The following DLGAP2 variants were observed in gnomAD, a reference collection of about 807,000 sequenced individuals.
DLGAP2 encodes the protein disks large-associated protein 2.
In DLGAP2, 26 loss-of-function variants were observed where a neutral mutation model predicts 100.3. That is an observed-to-expected ratio of 0.26 (90% CI 0.19 to 0.36). The LOEUF (loss-of-function observed/expected upper bound fraction) is 0.36, where lower values mean the gene tolerates loss of function less well. Ranked by LOEUF, DLGAP2 falls within the 10% of genes least tolerant of loss-of-function variation. DLGAP2 has a pLI of 1.00. For missense variants in DLGAP2, 1,858 were observed against 1,453.2 expected (o/e 1.28, Z -4.53); for synonymous variants, 886 against 630.1 (o/e 1.41, Z -6.08).
chr8:1,323,112 C>T (rs916371725), intron 3 of DLGAP2, among the ~76,000 whole-genome samples: 2 of 151,784 alleles, frequency 1.3e-5, no homozygotes, highest in African/African-American at 4.8e-5. Flanking sequence ...TTCATGCAAC[C>T]TCCGCCTCCC....
intron 2 of DLGAP2, among the ~76,000 whole-genome samples, chr8:1,163,284 T>A (rs1563223303): frequency 6.6e-6 from 1 of 152,154 alleles, no homozygotes; most frequent in Non-Finnish European, 1.5e-5. Context: ...GATATTAAAC[T>A]CCCAGACGGG....
chr8:1,146,954 C>T (rs1422782882), intron 2 of DLGAP2, among the ~76,000 whole-genome samples: 1 of 152,212 alleles, frequency 6.6e-6, no homozygotes, highest in Non-Finnish European at 1.5e-5. Flanking sequence ...TTCTCCTCTT[C>T]AGAATTGGCT....
At position 1,464,301 on chromosome 8, in the gene DLGAP2, G is replaced by A. The variant is rs1408174665; in HGVS notation, c.107-37065G>A. Among the ~76,000 whole-genome samples the A allele has an allele frequency of 4.4e-4, 33 of 74,444 alleles. 6 individuals are homozygous for A. The highest frequency in any genetic ancestry group is 7.4e-4 in the African/African-American group (13 of 17,596). 48.8% of individuals were successfully genotyped at this position (74,444 alleles called of 152,430 possible). A position where few individuals can be genotyped will look rare whatever the true frequency, so the allele number is the denominator to read the frequency against. ...TCCAGGACAACGCCCTTCCAGGATG[G>A]CACCCTTCCAGGACAACGCCCTTCC... is the stretch of plus-strand genomic sequence containing the variant. On this transcript the variant is annotated intron_variant, in intron 3 of 14. Transcript: ENST00000637795.
chr8:1,169,546 C>A (rs1797086037), intron 2 of DLGAP2, among the ~76,000 whole-genome samples: 2 of 152,306 alleles, frequency 1.3e-5, no homozygotes, highest in South Asian at 4.1e-4. Context: ...TTTGTATCCT[C>A]TTTAATTTCA....
At chr8:1,176,214 G>T (rs1446850750) in intron 2 of DLGAP2, among the ~76,000 whole-genome samples, 2 of 152,154 alleles carry the variant, frequency 1.3e-5, no homozygotes, top group Non-Finnish European at 2.9e-5. Context: ...GAGACAGTGT[G>T]GGAAATGCTG....
intron 4 of DLGAP2, among the ~76,000 whole-genome samples, chr8:1,540,087 A>AG (rs1489259062): frequency 6.6e-6 from 1 of 152,152 alleles, no homozygotes; most frequent in African/African-American, 2.4e-5. Flanking sequence ...GTGCCGCCAC[A>AG]GGCACCAACT....
rs1049265510 is a variant in DLGAP2 at position 1,688,779 on chromosome 8, C to A, written c.2705-2756C>A. On this transcript the variant is annotated intron_variant, in intron 12 of 14. Coordinates refer to ENST00000637795, the MANE Select transcript of DLGAP2 (RefSeq NM_001346810.2). ...TTGAAGAACACATGGTACAGATTGC[C>A]AGACCTTCATGTTCTAAAAAATGAG... Among the ~76,000 whole-genome samples the A allele has an allele frequency of 2.0e-5, 3 of 152,166 alleles. No homozygotes were observed. In the South Asian group the frequency reaches 6.2e-4, roughly 32 times the overall value.
chr8:1,047,534 A>G (rs780016249), intron 2 of DLGAP2, among the ~76,000 whole-genome samples: 1 of 152,200 alleles, frequency 6.6e-6, no homozygotes, highest in Admixed American at 6.5e-5. Context: ...CTGCCACAGA[A>G]TAGCCTGGAT....
chr8:1,112,878 G>C (rs748658870), intron 2 of DLGAP2, among the ~76,000 whole-genome samples: 1 of 151,596 alleles, frequency 6.6e-6, no homozygotes, highest in Non-Finnish European at 1.5e-5. Flanking sequence ...GTTGCTTTTT[G>C]TACATGGCAT....
intron 1 of DLGAP2, among the ~76,000 whole-genome samples, chr8:882,870 C>T (rs1797839079): frequency 6.6e-6 from 1 of 152,274 alleles, no homozygotes; most frequent in African/African-American, 2.4e-5. Context: ...CGTCACTTCT[C>T]GGCTGCTCAC....
At chr8:1,523,515 G>A (rs978283318) in intron 4 of DLGAP2, among the ~76,000 whole-genome samples, 4 of 152,294 alleles carry the variant, frequency 2.6e-5, no homozygotes, top group South Asian at 4.1e-4. Context: ...GCCTTAGACG[G>A]GGGGGAAGGA....
intron 3 of DLGAP2, among the ~76,000 whole-genome samples, chr8:1,310,645 G>GTT (rs367757053): frequency 6.6e-6 from 1 of 151,366 alleles, no homozygotes; most frequent in Non-Finnish European, 1.5e-5. Context: ...AAAAAGTTGG[G>GTT]TTTTTTTTTG....
chr8:1,691,197 C>T (rs928271064), intron 12 of DLGAP2, among the ~76,000 whole-genome samples: 3 of 152,186 alleles, frequency 2.0e-5, no homozygotes, highest in Non-Finnish European at 4.4e-5. Context: ...CACACGTGTT[C>T]TTGTGTCTTC....
chr8:1,304,654 A>G (rs564316652), intron 3 of DLGAP2, among the ~76,000 whole-genome samples: 2 of 152,248 alleles, frequency 1.3e-5, no homozygotes, highest in Non-Finnish European at 2.9e-5. Context: ...AAAGATAAAT[A>G]CAGTGCGGAA....
chr8:786,780 T>G (rs908654741), intron 1 of DLGAP2, among the ~76,000 whole-genome samples: 2 of 151,658 alleles, frequency 1.3e-5, no homozygotes, highest in African/African-American at 2.4e-5. Flanking sequence ...ATGGTATGAG[T>G]TGGAAGCATC....
rs1182505125 is a variant in DLGAP2 at position 1,427,578 on chromosome 8, CAT to C, written c.107-73787_107-73786del. 1.3e-4 allele frequency among the ~76,000 whole-genome samples: 20 copies of C among 152,322 alleles called. No homozygotes were observed. In the East Asian group the frequency reaches 1.5e-3, roughly 12 times the overall value. On this transcript the variant is annotated intron_variant, in intron 3 of 14. Coordinates refer to ENST00000637795, the MANE Select transcript of DLGAP2 (RefSeq NM_001346810.2). ...TGAATTGTAACTCCCACAATCCCCA[CAT>C]GTCATGGAAAGAGCATGTTGGGAGG...
chr8:1,356,832 A>G (rs1056681579), intron 3 of DLGAP2, among the ~76,000 whole-genome samples: 5 of 152,212 alleles, frequency 3.3e-5, no homozygotes, highest in Admixed American at 1.3e-4. Context: ...GCCACGATGT[A>G]ACACTACAGT....
At chr8:1,538,790 C>T (rs74869357) in intron 4 of DLGAP2, among the ~76,000 whole-genome samples, 2,152 of 152,236 alleles carry the variant, frequency 0.014, 48 homozygotes, top group African/African-American at 0.05. Flanking sequence ...CAGAGAGTCA[C>T]GCCCCGGGTG....
chr8:930,155 T>G (rs1452857976), intron 2 of DLGAP2, among the ~76,000 whole-genome samples: 1 of 152,122 alleles, frequency 6.6e-6, no homozygotes, highest in Non-Finnish European at 1.5e-5. Flanking sequence ...TTGCAGACCT[T>G]AGAAAAGTGA....
Sources: allele counts gnomAD v4.1 joint callset (sites outside exome capture counted in the v4.1 genomes callset), GRCh38; gene constraint gnomAD v4.1.1; transcripts MANE v1.5; gene names NCBI Gene and HGNC (gene_info 2026-07-23, HGNC 2026-07-21).